GALNTL6: variants seen among roughly 807,000 people sequenced by gnomAD.
GALNTL6 encodes the protein polypeptide N-acetylgalactosaminyltransferase-like 6.
GALNTL6 carries 46 observed loss-of-function variants against 73.7 expected under a neutral mutation model. That is an observed-to-expected ratio of 0.62 (90% CI 0.49 to 0.80). The LOEUF is 0.80. GALNTL6 is among the 30% of genes least tolerant of loss of function. The pLI is 0.00. For missense variants in GALNTL6, 604 were observed against 755.0 expected (o/e 0.80, Z 2.34); for synonymous variants, 259 against 263.7 (o/e 0.98, Z 0.17).
At chr4:172,700,731 C>T (rs1277489044) in intron 5 of GALNTL6, among the ~76,000 whole-genome samples, 1 of 152,154 alleles carries the variant, frequency 6.6e-6, no homozygotes, top group African/African-American at 2.4e-5. Context: ...TGGTCAATCG[C>T]TCACCCCTGT....
intron 10 of GALNTL6, among the ~76,000 whole-genome samples, chr4:172,993,664 CT>C (rs1751640664): frequency 6.6e-6 from 1 of 152,354 alleles, no homozygotes; most frequent in African/African-American, 2.4e-5. Context: ...GTTCGCTTCC[CT>C]CAAAACCTCT....
At chr4:172,709,182 C>A (rs1159389561) in intron 5 of GALNTL6, among the ~76,000 whole-genome samples, 3 of 152,108 alleles carry the variant, frequency 2.0e-5, no homozygotes, top group Non-Finnish European at 2.9e-5. Context: ...TCTCCTCTCC[C>A]CTCATATTCA....
intron 2 of GALNTL6, among the ~76,000 whole-genome samples, chr4:172,169,197 G>T (rs1430399398): frequency 1.3e-5 from 2 of 152,062 alleles, no homozygotes; most frequent in Non-Finnish European, 1.5e-5. Flanking sequence ...CAAGTAGCTG[G>T]GATTTGCCCT....
chr4:172,378,784 G>T lies in GALNTL6; in HGVS notation c.553+30095G>T, dbSNP rs536893372. Among the ~76,000 whole-genome samples the T allele has an allele frequency of 3.9e-5, 6 of 151,998 alleles. No homozygotes were observed. The South Asian group carries it at 1.2e-3, about 32-fold the overall frequency. On this transcript the variant is annotated intron_variant, in intron 5 of 12. Transcript: ENST00000506823. ...GTATCCATTATAAGCCAAAATTTTT[G>T]AGAAATATATTTTTGAGAGACTGTA...
At chr4:172,576,370 A>G (rs1215643056) in intron 5 of GALNTL6, among the ~76,000 whole-genome samples, 6 of 152,322 alleles carry the variant, frequency 3.9e-5, no homozygotes, top group African/African-American at 1.4e-4. Context: ...AAATCCTTAA[A>G]TATAAATGAC....
chr4:172,736,281 A>G (rs1481202587), intron 5 of GALNTL6, among the ~76,000 whole-genome samples: 1 of 152,220 alleles, frequency 6.6e-6, no homozygotes, highest in Non-Finnish European at 1.5e-5. Context: ...CAGAGCGACT[A>G]TTTTAGAGAC....
rs191043412 is a variant in GALNTL6 at position 172,073,366 on chromosome 4, T to A, written c.139-156290T>A. 5.9e-5 allele frequency among the ~76,000 whole-genome samples: 9 copies of A among 152,310 alleles called. No individual in the cohort carries two copies. In the East Asian group the frequency reaches 1.7e-3, roughly 29 times the overall value. On this transcript the variant is annotated intron_variant, in intron 2 of 12. Transcript: ENST00000506823. ...AGTTCTAAGAACAGTACCAGGCATA[T>A]GGCAGATACTGAATAAATGTTTGCT...
chr4:172,900,283 AGTTTTAAAAATCAAATAAATTACCCAAC>A (rs1439074183), intron 8 of GALNTL6, among the ~76,000 whole-genome samples: 1 of 152,120 alleles, frequency 6.6e-6, no homozygotes, highest in African/African-American at 2.4e-5. Flanking sequence ...ATTGTTTTTG[AGTTTTAAAAATCAAATAAATTACCCAAC>A]GTCACTTAGA....
rs371864793 is a variant in GALNTL6, at chr4:171,989,048, A to T, written c.138+174330A>T. On this transcript the variant is annotated intron_variant, in intron 2 of 12. Coordinates refer to ENST00000506823, the MANE Select transcript of GALNTL6 (RefSeq NM_001034845.3). Reference sequence around the variant, plus strand: ...TGGGGATAACTAAAAAGGAGTGCTTAAAAGAGTATTGTCTAAGTTGGCACC... The same window carrying T: ...TGGGGATAACTAAAAAGGAGTGCTTTAAAGAGTATTGTCTAAGTTGGCACC... 5.6e-4 allele frequency among the ~76,000 whole-genome samples: 86 copies of T among 152,260 alleles called. 2 individuals are homozygous for T. In the East Asian group the frequency reaches 8.7e-3, roughly 15 times the overall value.
intron 5 of GALNTL6, among the ~76,000 whole-genome samples, chr4:172,470,924 C>T (rs1579102501): frequency 6.6e-6 from 1 of 152,252 alleles, no homozygotes; most frequent in Admixed American, 6.5e-5. Context: ...TCCATCCCCC[C>T]AACACCCAGG....
chr4:172,902,840 A>G (rs901525373), intron 8 of GALNTL6, among the ~76,000 whole-genome samples: 2 of 152,162 alleles, frequency 1.3e-5, no homozygotes, highest in African/African-American at 4.8e-5. Flanking sequence ...ACAGACATCT[A>G]CTTATTGATT....
intron 2 of GALNTL6, among the ~76,000 whole-genome samples, chr4:172,087,324 A>G (rs1050846170): frequency 6.6e-6 from 1 of 151,848 alleles, no homozygotes; most frequent in African/African-American, 2.4e-5. Context: ...GGGCGCCTGT[A>G]GTCCCAGCTA....
chr4:173,037,122 C>T (rs927076574), intron 12 of GALNTL6, among the ~76,000 whole-genome samples: 9 of 152,238 alleles, frequency 5.9e-5, no homozygotes, highest in Non-Finnish European at 7.3e-5. Flanking sequence ...TGAGAAGCTT[C>T]ACCTCCGGGA....
intron 8 of GALNTL6, among the ~76,000 whole-genome samples, chr4:172,894,720 AT>A (rs1470858469): frequency 6.6e-6 from 1 of 152,040 alleles, no homozygotes; most frequent in Non-Finnish European, 1.5e-5. Flanking sequence ...TTCAATTATG[AT>A]GTCTCTTTGA....
intron 5 of GALNTL6, among the ~76,000 whole-genome samples, chr4:172,376,036 C>A (rs1045350112): frequency 1.3e-5 from 2 of 152,172 alleles, no homozygotes; most frequent in Non-Finnish European, 2.9e-5. Flanking sequence ...TCAGGAATAG[C>A]TTTTGTTAGG....
At chr4:171,869,333 T>A (rs1039457754) in intron 2 of GALNTL6, among the ~76,000 whole-genome samples, 4 of 152,162 alleles carry the variant, frequency 2.6e-5, no homozygotes, top group Non-Finnish European at 5.9e-5. Context: ...AAATGAATAA[T>A]CAATACTCTT....
intron 3 of GALNTL6, among the ~76,000 whole-genome samples, chr4:172,249,976 G>A (rs1737798942): frequency 1.3e-5 from 2 of 152,096 alleles, no homozygotes; most frequent in African/African-American, 4.8e-5. Flanking sequence ...TGAGAAGAGG[G>A]CCACCATCCT....
chr4:172,538,941 A>C (rs148563374), intron 5 of GALNTL6, among the ~76,000 whole-genome samples: 6 of 152,340 alleles, frequency 3.9e-5, no homozygotes, highest in African/African-American at 1.2e-4. Context: ...AGAAATTTAA[A>C]ATTTAAAGGG....
intron 5 of GALNTL6, among the ~76,000 whole-genome samples, chr4:172,562,879 G>A (rs1736425729): frequency 6.6e-6 from 1 of 152,224 alleles, no homozygotes; most frequent in African/African-American, 2.4e-5. Context: ...ACTGGGGAAA[G>A]TGTACACATG....
Sources: allele counts gnomAD v4.1 joint callset (sites outside exome capture counted in the v4.1 genomes callset), GRCh38; gene constraint gnomAD v4.1.1; transcripts MANE v1.5; gene names NCBI Gene and HGNC (gene_info 2026-07-23, HGNC 2026-07-21).